The following FOXN3 variants were observed in gnomAD, a reference collection of about 807,000 sequenced individuals.
FOXN3 encodes the protein forkhead box protein N3.
FOXN3 carries 7 observed loss-of-function variants against 38.4 expected under a neutral mutation model. The observed-to-expected ratio is 0.18, with a 90% CI of 0.10 to 0.34. FOXN3 has a LOEUF of 0.34. Ranked by LOEUF, FOXN3 falls within the 10% of genes least tolerant of loss-of-function variation. The pLI is 1.00. For synonymous variants in FOXN3, 230 were observed against 242.2 expected (o/e 0.95, Z 0.47); for missense variants, 456 against 613.4 (o/e 0.74, Z 2.71).
intron 4 of FOXN3, among the ~76,000 whole-genome samples, chr14:89,182,427 TA>T (rs778291616): frequency 1.3e-5 from 2 of 152,210 alleles, no homozygotes; most frequent in Non-Finnish European, 2.9e-5. Flanking sequence ...AACTCTCGCC[TA>T]AGTCAGTACT....
At chr14:89,510,806 G>A in intron 1 of FOXN3, among the ~76,000 whole-genome samples, 1 of 152,166 alleles carries the variant, frequency 6.6e-6, no homozygotes, top group Non-Finnish European at 1.5e-5. Flanking sequence ...GCCAAGCGTG[G>A]TGGTGTGCGC....
intron 1 of FOXN3, among the ~76,000 whole-genome samples, chr14:89,549,724 G>A (rs1482228719): frequency 6.6e-6 from 1 of 152,184 alleles, no homozygotes; most frequent in Non-Finnish European, 1.5e-5. Context: ...TCAGATTCAA[G>A]GCATGGCCAA....
At chr14:89,556,789 G>A (rs1260331583) in intron 1 of FOXN3, among the ~76,000 whole-genome samples, 1 of 152,200 alleles carries the variant, frequency 6.6e-6, no homozygotes, top group African/African-American at 2.4e-5. Context: ...TGGAAATCTG[G>A]TCTCTGGTCT....
chr14:89,196,512 A>G (rs1009260492), intron 4 of FOXN3, among the ~76,000 whole-genome samples: 2 of 152,186 alleles, frequency 1.3e-5, no homozygotes, highest in Non-Finnish European at 2.9e-5. Context: ...CCCTTTCCAC[A>G]TAGTTCCTGC....
At chr14:89,590,913 G>A (rs1895936777) in intron 1 of FOXN3, among the ~76,000 whole-genome samples, 2 of 152,146 alleles carry the variant, frequency 1.3e-5, no homozygotes, top group Non-Finnish European at 2.9e-5. Context: ...GAGAGGCCAG[G>A]AAGAATCTGA....
rs550422953 is a variant in FOXN3 at position 89,553,275 on chromosome 14, A to C, written c.-15+65753T>G. 1.6e-3 allele frequency among the ~76,000 whole-genome samples: 247 copies of C among 151,398 alleles called. 3 individuals are homozygous for C. Among genetic ancestry groups the C allele is most frequent in the Non-Finnish European group, 3.0e-3 (201 of 67,826 alleles). ...AAAAAAAAAAAAGACAATTGTCAAG[A>C]AATTATTTCTGGTGTGGGGGGCTAC... On this transcript the variant is annotated intron_variant, in intron 1 of 6. Coordinates refer to the FOXN3 transcript ENST00000345097.
intron 4 of FOXN3, among the ~76,000 whole-genome samples, chr14:89,266,257 T>G (rs1313793205): frequency 6.6e-6 from 1 of 152,234 alleles, no homozygotes; most frequent in Non-Finnish European, 1.5e-5. Context: ...CTCCTGAGGC[T>G]GTCTCCCTGG....
In FOXN3 at chr14:89,178,282, T is replaced by G. The variant is rs921546978; in HGVS notation, c.851+2419A>C. Among the ~76,000 whole-genome samples, 4 of 152,218 alleles carry G rather than the reference T, an allele frequency of 2.6e-5. No homozygotes were observed. In the East Asian group the frequency reaches 7.7e-4, roughly 29 times the overall value. ...CGCCGGAGCCTCTCAGTGTTGGGAT[T>G]ACAGGCGTGAGCCAATGTGCCCGGC... On this transcript the variant is annotated intron_variant, in intron 5 of 5. Transcript: ENST00000557258.
intron 1 of FOXN3, among the ~76,000 whole-genome samples, chr14:89,458,850 T>C (rs979181500): frequency 6.6e-6 from 1 of 152,092 alleles, no homozygotes; most frequent in African/African-American, 2.4e-5. Context: ...GATAAAGCCC[T>C]TAAATAAAGA....
intron 5 of FOXN3, among the ~76,000 whole-genome samples, chr14:89,177,080 G>A (rs1399502418): frequency 7.0e-6 from 1 of 142,226 alleles, no homozygotes; most frequent in African/African-American, 2.6e-5. Flanking sequence ...GCACAATTTC[G>A]GCTCACTGCA....
At chr14:89,357,619 A>AG (rs571969208) in intron 2 of FOXN3, among the ~76,000 whole-genome samples, 2 of 151,624 alleles carry the variant, frequency 1.3e-5, no homozygotes, top group Non-Finnish European at 2.9e-5. Context: ...AAAAAAAAAA[A>AG]AGAGAGAGAG....
At chr14:89,349,326 T>C (rs1031245914) in intron 3 of FOXN3, among the ~76,000 whole-genome samples, 13 of 152,202 alleles carry the variant, frequency 8.5e-5, no homozygotes, top group African/African-American at 3.1e-4. Context: ...CTATATGACC[T>C]CAAGTTGTCA....
chr14:89,422,595 T>C (rs1891938148), intron 1 of FOXN3, among the ~76,000 whole-genome samples: 2 of 152,218 alleles, frequency 1.3e-5, no homozygotes, highest in African/African-American at 4.8e-5. Flanking sequence ...GTAAAAAAAC[T>C]CCTCACTTTC....
rs1404259361 is a variant in FOXN3 at position 89,525,869 on chromosome 14, C to CA, written c.-15+93158dup. Among the ~76,000 whole-genome samples, 147 of 151,862 alleles carry CA rather than the reference C, an allele frequency of 9.7e-4. 1 individual carries two copies. The highest frequency in any genetic ancestry group is 3.2e-3 in the African/African-American group (134 of 41,430). ...TGAATATACACATAAAAATTCTTAACAAAAAAAGCTTAGCAAATCAAATCC... is the reference window on the plus strand; with the variant it reads ...TGAATATACACATAAAAATTCTTAACAAAAAAAAGCTTAGCAAATCAAATCC... On this transcript the variant is annotated intron_variant, in intron 1 of 6. Coordinates refer to the FOXN3 transcript ENST00000345097.
chr14:89,245,476 GA>G (rs11302539), intron 4 of FOXN3, among the ~76,000 whole-genome samples: 118,308 of 148,570 alleles, frequency 0.8, 46,962 homozygotes, highest in Non-Finnish European at 0.81. Flanking sequence ...AGGCATTGGA[GA>G]AAAAAAAAAA....
intron 4 of FOXN3, among the ~76,000 whole-genome samples, chr14:89,254,073 C>T (rs1199398069): frequency 1.3e-5 from 2 of 152,178 alleles, no homozygotes; most frequent in Non-Finnish European, 2.9e-5. Flanking sequence ...AGCTGTGTCA[C>T]ATACTAACAA....
chr14:89,535,809 A>G (rs1262558344), intron 1 of FOXN3, among the ~76,000 whole-genome samples: 1 of 152,172 alleles, frequency 6.6e-6, no homozygotes, highest in Non-Finnish European at 1.5e-5. Context: ...TCTTCATAAT[A>G]TGGATCTTCA....
chr14:89,171,766 C>G (rs183571175), intron 5 of FOXN3, among the ~76,000 whole-genome samples: 2 of 151,984 alleles, frequency 1.3e-5, no homozygotes, highest in East Asian at 1.9e-4. Context: ...TCCTAAGAAA[C>G]CTTTAACTAA....
intron 1 of FOXN3, among the ~76,000 whole-genome samples, chr14:89,448,323 T>C (rs994617292): frequency 3.3e-5 from 5 of 151,988 alleles, no homozygotes; most frequent in Non-Finnish European, 5.9e-5. Flanking sequence ...GGGAAGAAAA[T>C]GGAGCTCTAT....
Sources: allele counts gnomAD v4.1 joint callset (sites outside exome capture counted in the v4.1 genomes callset), GRCh38; gene constraint gnomAD v4.1.1; transcripts MANE v1.5; gene names NCBI Gene and HGNC (gene_info 2026-07-23, HGNC 2026-07-21).